Variants in BRWD1 observed in about 807,000 individuals in gnomAD.
BRWD1 encodes bromodomain and WD repeat domain containing 1.
Under a neutral mutation model 251.2 loss-of-function variants are expected in BRWD1, and 82 were observed. That is an observed-to-expected ratio of 0.33 (90% CI 0.27 to 0.39). The LOEUF (loss-of-function observed/expected upper bound fraction) is 0.39, where lower values mean the gene tolerates loss of function less well. BRWD1 is among the 10% of genes least tolerant of loss of function. BRWD1 has a pLI of 1.00. For missense variants in BRWD1, 2,233 were observed against 2,711.6 expected (o/e 0.82, Z 3.92); for synonymous variants, 918 against 902.8 (o/e 1.02, Z -0.30).
chr21:39,304,777 G>A (rs546073289), intron 4 of BRWD1, among the ~76,000 whole-genome samples: 4 of 152,246 alleles, frequency 2.6e-5, no homozygotes, highest in African/African-American at 9.6e-5. Context: ...AAAGAAGTTG[G>A]TGTGGCTATA....
chr21:39,312,716 C>T, intron 4 of BRWD1, 125 bp downstream of exon 4: 2 of 569,024 alleles, frequency 3.5e-6, no homozygotes, highest in Admixed American at 3.4e-5. Flanking sequence ...CGCAGCTATC[C>T]CCGGGCCGCC....
chr21:39,229,239 G>A, intron 26 of BRWD1, 73 bp downstream of exon 26: 3 of 1,282,062 alleles, frequency 2.3e-6, no homozygotes, highest in Non-Finnish European at 2.2e-6. Context: ...AATGGGAAGG[G>A]CATGCTAATC....
intron 34 of BRWD1, among the ~76,000 whole-genome samples, 193 bp downstream of exon 34, chr21:39,212,473 C>T (rs2032704165): frequency 6.6e-6 from 1 of 152,114 alleles, no homozygotes; most frequent in Non-Finnish European, 1.5e-5. Context: ...TCTTCTTACT[C>T]CATCTCACTC....
intron 28 of BRWD1, 37 bp downstream of exon 28, chr21:39,225,049 T>C (rs757382221): frequency 1.4e-6 from 2 of 1,382,632 alleles, no homozygotes; most frequent in Middle Eastern, 1.8e-4. Flanking sequence ...CCACACTGAA[T>C]TACTGGGAAA....
intron 25 of BRWD1, among the ~76,000 whole-genome samples, chr21:39,231,216 A>G (rs969573055): frequency 4.6e-5 from 7 of 152,228 alleles, no homozygotes; most frequent in Non-Finnish European, 8.8e-5. Context: ...CACGTGTACT[A>G]CTACCCCACA....
chr21:39,309,860 A>T (rs1380834656), intron 4 of BRWD1, among the ~76,000 whole-genome samples: 2 of 152,042 alleles, frequency 1.3e-5, no homozygotes, highest in Non-Finnish European at 2.9e-5. Flanking sequence ...CCAGGGAACA[A>T]AAAGAAAATC....
chr21:39,312,164 C>A (rs181738278), intron 4 of BRWD1, among the ~76,000 whole-genome samples: 3 of 152,280 alleles, frequency 2.0e-5, no homozygotes, highest in African/African-American at 7.2e-5. Flanking sequence ...AGAAATGAGA[C>A]TGTAATGCAA....
intron 15 of BRWD1, among the ~76,000 whole-genome samples, chr21:39,265,401 C>T (rs138797962): frequency 0.015 from 2,321 of 152,212 alleles, 58 homozygotes; most frequent in African/African-American, 0.053. Flanking sequence ...CTCCACTGCA[C>T]TCAAGCCTGG....
At chr21:39,214,016 A>T (rs1005040965) in intron 32 of BRWD1, among the ~76,000 whole-genome samples, 6 of 152,156 alleles carry the variant, frequency 3.9e-5, no homozygotes, top group Non-Finnish European at 5.9e-5. Flanking sequence ...TGAAATATGG[A>T]TATCTAAGCA....
Position 39,293,793 on chromosome 21 carries a change from A to G in BRWD1, c.831+18T>C. The G allele has an allele frequency of 1.3e-6, 2 of 1,597,718 alleles. No homozygotes were observed. Among genetic ancestry groups the G allele is most frequent in the Non-Finnish European group, 1.7e-6 (2 of 1,165,722 alleles). Reference sequence around the variant, plus strand: ...TGAAAATACATATAGGAATGTGCCCACTAAGCTACAAGTTTACCTGTAAAG... The same window carrying G: ...TGAAAATACATATAGGAATGTGCCCGCTAAGCTACAAGTTTACCTGTAAAG... On this transcript the variant is annotated intron_variant, in intron 8 of 40. Coordinates refer to ENST00000342449, the MANE Select transcript of BRWD1 (RefSeq NM_033656.4).
chr21:39,278,620 C>G (rs1202824045), intron 10 of BRWD1, 123 bp downstream of exon 10: 1 of 628,180 alleles, frequency 1.6e-6, no homozygotes, highest in South Asian at 2.8e-5. Context: ...TAAATTGAAC[C>G]TAATGAAATA....
intron 8 of BRWD1, among the ~76,000 whole-genome samples, chr21:39,287,471 T>A (rs763376829): frequency 2.0e-5 from 3 of 152,234 alleles, no homozygotes; most frequent in African/African-American, 7.2e-5. Context: ...ACAATGCATT[T>A]CATAGTTACA....
chr21:39,208,199 G>T (rs1162834907), intron 36 of BRWD1, among the ~76,000 whole-genome samples: 1 of 152,188 alleles, frequency 6.6e-6, no homozygotes, highest in East Asian at 1.9e-4. Flanking sequence ...AGCTTTCAAT[G>T]GTGAACTGTA....
intron 8 of BRWD1, among the ~76,000 whole-genome samples, chr21:39,282,780 A>C (rs2035511232): frequency 6.6e-6 from 1 of 152,072 alleles, no homozygotes; most frequent in African/African-American, 2.4e-5. Flanking sequence ...CAACATGGTG[A>C]AACCCTGTCT....
intron 29 of BRWD1, 48 bp from the exon 30 acceptor site, chr21:39,218,708 AT>A: frequency 7.0e-7 from 1 of 1,434,348 alleles, no homozygotes; most frequent in Non-Finnish European, 9.3e-7. Flanking sequence ...AACACAAAAA[AT>A]AAATATATAC....
At position 39,218,142 on chromosome 21, in the gene BRWD1, T is replaced by G. The variant is rs79730388; in HGVS notation, c.3659+10A>C. The G allele has an allele frequency of 1.1e-3, 1,695 of 1,589,312 alleles. 23 individuals are homozygous for G. The African/African-American group carries it at 0.021, about 20-fold the overall frequency. On this transcript the variant is annotated intron_variant, in intron 31 of 40. Coordinates refer to ENST00000342449, the MANE Select transcript of BRWD1 (RefSeq NM_033656.4). ...CTTTTTAAACATTTTGAAAGCAGGT[T>G]TCTACTAACCTGTAAAATCGATTAA...
In BRWD1 at chr21:39,224,393, A is replaced by C; in HGVS notation, c.3382+15T>G. ...TAAAAATAAAATGTTTTCATTATTT[A>C]ACAAATATATATACCATTATCAGGA... On this transcript the variant is annotated intron_variant, in intron 29 of 40. Transcript: ENST00000342449. The C allele has an allele frequency of 2.0e-6, 3 of 1,489,662 alleles. No individual in the cohort carries two copies. In the Middle Eastern group the frequency reaches 5.9e-4, roughly 294 times the overall value. 92.3% of individuals were successfully genotyped at this position (1,489,662 alleles called of 1,614,324 possible).
At chr21:39,257,612 T>G (rs936298315) in intron 18 of BRWD1, among the ~76,000 whole-genome samples, 1 of 151,958 alleles carries the variant, frequency 6.6e-6, no homozygotes, top group Non-Finnish European at 1.5e-5. Flanking sequence ...GAAGAGTAAG[T>G]AAGGACTCAA....
intron 37 of BRWD1, among the ~76,000 whole-genome samples, chr21:39,205,751 A>G (rs1051241531): frequency 6.6e-6 from 1 of 151,950 alleles, no homozygotes; most frequent in African/African-American, 2.4e-5. Flanking sequence ...AACCTAGGTA[A>G]CAGAGAGAGA....
Sources: allele counts gnomAD v4.1 joint callset (sites outside exome capture counted in the v4.1 genomes callset), GRCh38; gene constraint gnomAD v4.1.1; transcripts MANE v1.5; gene names NCBI Gene and HGNC (gene_info 2026-07-23, HGNC 2026-07-21).